Variants in EIF2AK2 observed in about 807,000 individuals in gnomAD.
EIF2AK2 encodes eukaryotic translation initiation factor 2 alpha kinase 2, also known as interferon-induced, double-stranded RNA-activated protein kinase.
Under a neutral mutation model 70.5 loss-of-function variants are expected in EIF2AK2, and 40 were observed. That is an observed-to-expected ratio of 0.57 (90% CI 0.44 to 0.74). EIF2AK2 has a LOEUF of 0.74. Ranked by LOEUF, EIF2AK2 falls within the 30% of genes least tolerant of loss-of-function variation. The pLI, the probability that EIF2AK2 is intolerant of heterozygous loss-of-function variation, is 0.00. For missense variants in EIF2AK2, 555 were observed against 644.3 expected, an observed-to-expected ratio of 0.86 and a Z score of 1.50; for synonymous variants, 198 against 220.9, an observed-to-expected ratio of 0.90 and a Z score of 0.92.
rs1397623990 is a variant in EIF2AK2, at chr2:37,156,958, C to G, written c.-234G>C. The G allele has an allele frequency of 5.4e-6, 1 of 186,190 alleles. No homozygotes were observed. Among genetic ancestry groups the G allele is most frequent in the Non-Finnish European group, 1.1e-5 (1 of 93,486 alleles). The allele number at this position is 186,190 out of a possible 1,614,324, so 11.5% of individuals were successfully genotyped here. A position where few individuals can be genotyped will look rare whatever the true frequency, so the allele number is the denominator to read the frequency against. On this transcript the variant is annotated 5_prime_UTR_variant, in exon 1 of 17. Transcript: ENST00000233057. ...GCCGCCGGCCGGAGACCCGCGGCTT[C>G]GGGAGAGCTGGTTCTCAGTTTCGTT...
intron 2 of EIF2AK2, chr2:37,148,426 A>T (rs2148713630): frequency 2.6e-6 from 1 of 382,042 alleles, no homozygotes; most frequent in Admixed American, 4.1e-5. Flanking sequence ...GTGGACGTGG[A>T]TCCTGCCGGA....
chr2:37,125,068 A>G (rs189718879), intron 11 of EIF2AK2, among the ~76,000 whole-genome samples: 2 of 151,862 alleles, frequency 1.3e-5, no homozygotes, highest in Admixed American at 6.6e-5. Context: ...GCTGGAGTGC[A>G]ATGGCATGAT....
chr2:37,120,570 A>G (rs1347313813), intron 12 of EIF2AK2, among the ~76,000 whole-genome samples: 2 of 148,864 alleles, frequency 1.3e-5, no homozygotes, highest in Non-Finnish European at 3.0e-5. Flanking sequence ...AGAAATCTAA[A>G]TATAATAAAC....
At chr2:37,116,072 T>C (rs1406246697) in intron 13 of EIF2AK2, among the ~76,000 whole-genome samples, 1 of 152,014 alleles carries the variant, frequency 6.6e-6, no homozygotes, top group African/African-American at 2.4e-5. Context: ...AATTTTTTTG[T>C]ATTTTTAGTA....
chr2:37,128,826 G>C (rs1266929056), intron 10 of EIF2AK2, among the ~76,000 whole-genome samples: 1 of 152,176 alleles, frequency 6.6e-6, no homozygotes, highest in African/African-American at 2.4e-5. Context: ...GGAGACAATG[G>C]CATCAGGTGA....
chr2:37,153,337 C>CTTTTTTTTTTTTTTTT (rs1553340565), intron 1 of EIF2AK2, among the ~76,000 whole-genome samples: 1 of 109,866 alleles, frequency 9.1e-6, no homozygotes, highest in Non-Finnish European at 1.8e-5. Flanking sequence ...CTCTGCTAAT[C>CTTTTTTTTTTTTTTTT]TTTTTTTTTT....
chr2:37,150,665 C>T (rs1675711225), intron 1 of EIF2AK2, among the ~76,000 whole-genome samples: 1 of 152,118 alleles, frequency 6.6e-6, no homozygotes, highest in Non-Finnish European at 1.5e-5. Flanking sequence ...GAGTGGTAAA[C>T]TATTTTGGAA....
intron 12 of EIF2AK2, among the ~76,000 whole-genome samples, chr2:37,121,167 G>A (rs1434859291): frequency 1.4e-5 from 2 of 145,392 alleles, no homozygotes; most frequent in Non-Finnish European, 3.0e-5. Flanking sequence ...GGAGACTGAG[G>A]CAGGAGAATA....
rs533100731 is a variant in EIF2AK2 at position 37,149,181 on chromosome 2, A to G, written c.-183-158T>C. 3.7e-6 allele frequency: 4 copies of G among 1,073,116 alleles called. No individual in the cohort carries two copies. In the East Asian group the frequency reaches 7.1e-5, roughly 19 times the overall value. The allele number at this position is 1,073,116 out of a possible 1,614,324, so 66.5% of individuals were successfully genotyped here. On this transcript the variant is annotated intron_variant, in intron 1 of 16. Coordinates refer to ENST00000233057, the MANE Select transcript of EIF2AK2 (RefSeq NM_001135651.3). ...GATGAAGATTGTTTAGGATGTTTCT[A>G]TGCTTGTCGTGCCTGTGGTTCTACC...
chr2:37,108,451 G>T (rs1674037380), intron 15 of EIF2AK2, among the ~76,000 whole-genome samples: 1 of 152,138 alleles, frequency 6.6e-6, no homozygotes, highest in Non-Finnish European at 1.5e-5. Context: ...AGTCCCTACA[G>T]CTGGAAAGAT....
chr2:37,122,828 T>C (rs1674602338), intron 11 of EIF2AK2, among the ~76,000 whole-genome samples, 164 bp from the exon 12 acceptor site: 1 of 152,028 alleles, frequency 6.6e-6, no homozygotes, highest in South Asian at 2.1e-4. Flanking sequence ...AAGGAAAAAG[T>C]GAACATACTG....
chr2:37,135,509 C>T lies in EIF2AK2; in HGVS notation c.760G>A (p.Glu254Lys), dbSNP rs758776026. The T allele has an allele frequency of 6.2e-7, 1 of 1,609,722 alleles. No individual in the cohort carries two copies. Among genetic ancestry groups the T allele is most frequent in the East Asian group, 2.2e-5 (1 of 44,566 alleles). Reference sequence around the variant, plus strand: ...CTCTTGTCCACAGTATACTTTGTTTCTTTCATGTCAGGAAGGTCAAATCTG... The same window carrying T: ...CTCTTGTCCACAGTATACTTTGTTTTTTTCATGTCAGGAAGGTCAAATCTG... Reference protein sequence around the residue: ...APRFDLPDMKETKYTVDKRFG... With the variant: ...APRFDLPDMKKTKYTVDKRFG... The change falls in exon 10 of 17, where the codon GAA becomes AAA. Residue 254 changes from glutamate (E) to lysine (K), a missense_variant. Physicochemically the swap from Glu to Lys is moderately conservative, Grantham distance 56. This residue lies in a region of EIF2AK2 where 299 missense variants were observed against 375.4 expected (regional missense o/e 0.80). Coordinates refer to ENST00000233057, the MANE Select transcript of EIF2AK2 (RefSeq NM_001135651.3).
At chr2:37,128,335 A>G (rs1558418069) in intron 10 of EIF2AK2, among the ~76,000 whole-genome samples, 1 of 152,238 alleles carries the variant, frequency 6.6e-6, no homozygotes. Flanking sequence ...GCTAGAAAGT[A>G]GAAAACAGAT....
At position 37,100,986 on chromosome 2, in the gene EIF2AK2, T is replaced by C. The variant is rs1673814115; in HGVS notation, c.*6287A>G. 1 of 152,254 alleles carries C rather than the reference T, an allele frequency of 6.6e-6. No homozygotes were observed. The highest frequency in any genetic ancestry group is 2.4e-5 in the African/African-American group (1 of 41,470). 9.4% of individuals were successfully genotyped at this position (152,254 alleles called of 1,614,324 possible). A position where few individuals can be genotyped will look rare whatever the true frequency, so the allele number is the denominator to read the frequency against. ...TACTTGAATGGCATCAGAATCCTGCTACTAACCTTCTAACAAACTTGGAGG... is the reference window on the plus strand; with the variant it reads ...TACTTGAATGGCATCAGAATCCTGCCACTAACCTTCTAACAAACTTGGAGG... On this transcript the variant is annotated 3_prime_UTR_variant, in exon 17 of 17. Transcript: ENST00000233057.
intron 7 of EIF2AK2, 48 bp downstream of exon 7, chr2:37,138,461 A>G: frequency 6.2e-7 from 1 of 1,606,930 alleles, no homozygotes; most frequent in Non-Finnish European, 8.5e-7. Flanking sequence ...TGTCTTTCAG[A>G]CAGAAATATG....
In EIF2AK2 at chr2:37,120,943, G is replaced by GA. The variant is rs1209723284; in HGVS notation, c.1068-805dup. 3.7e-4 allele frequency among the ~76,000 whole-genome samples: 53 copies of GA among 143,190 alleles called. 2 individuals are homozygous for GA. The highest frequency in any genetic ancestry group is 2.1e-3 in the Admixed American group (29 of 13,570). The allele number at this position is 143,190 out of a possible 152,430, so 93.9% of individuals were successfully genotyped here. On this transcript the variant is annotated intron_variant, in intron 12 of 16. Transcript: ENST00000233057. The stretch of plus-strand genomic sequence containing the variant: ...CACGCCATTGTGCTCCCGCATGAGC[G>GA]ATAGAGTAAGACTCTGTCTCAAAAA...
chr2:37,149,142 G>C lies in EIF2AK2; in HGVS notation c.-183-119C>G, dbSNP rs573525063. 14 of 934,164 alleles carry C rather than the reference G, an allele frequency of 1.5e-5. No individual in the cohort carries two copies. The Admixed American group carries it at 2.2e-4, about 15-fold the overall frequency. 57.9% of individuals were successfully genotyped at this position (934,164 alleles called of 1,614,324 possible). ...GGGTCTCCTGATTTTTATTGGGATG[G>C]ACCTCGATGCCTCGATGAAGATTGT... is the stretch of plus-strand genomic sequence containing the variant. On this transcript the variant is annotated intron_variant, in intron 1 of 16. Coordinates refer to ENST00000233057, the MANE Select transcript of EIF2AK2 (RefSeq NM_001135651.3).
chr2:37,138,287 T>C lies in EIF2AK2; in HGVS notation c.670A>G (p.Ser224Gly). ...TACGATACCATAAGCAACGAAGAAC[T>C]GTTTAAACTGTCACTGTTAGAATTT... ...EINSNSDSLN[S>G]SSLLMNGLRN... Residue 224 changes from serine (S) to glycine (G), a missense_variant, in exon 8 of 17, where the codon AGT becomes GGT. This residue lies in a region of EIF2AK2 where 208 missense variants were observed against 191.8 expected (regional missense o/e 1.08). Transcript: ENST00000233057. 1 of 1,613,200 alleles carries C rather than the reference T, an allele frequency of 6.2e-7. No individual in the cohort carries two copies. The highest frequency in any genetic ancestry group is 8.5e-7 in the Non-Finnish European group (1 of 1,179,520).
intron 4 of EIF2AK2, among the ~76,000 whole-genome samples, chr2:37,145,022 TA>T (rs1239003194): frequency 6.6e-6 from 1 of 151,344 alleles, no homozygotes; most frequent in African/African-American, 2.4e-5. Context: ...CAACAAAGTT[TA>T]AAAGTTAAAA....
Sources: gnomAD v4.1 joint callset for allele counts (sites outside exome capture counted in the v4.1 genomes callset) on GRCh38, gnomAD v4.1.1 for gene constraint, gnomAD v4.1.1 regional missense constraint, MANE v1.5 for transcripts, NCBI Gene and HGNC (gene_info 2026-07-23, HGNC 2026-07-21) for gene names.